The following MRTFA variants were observed in gnomAD, a reference collection of about 807,000 sequenced individuals.
MRTFA encodes myocardin related transcription factor A, also known as myocardin-related transcription factor A.
MRTFA carries 20 observed loss-of-function variants against 83.5 expected under a neutral mutation model. The observed-to-expected ratio is 0.24, with a 90% CI of 0.17 to 0.35. The LOEUF is 0.35. Ranked by LOEUF, MRTFA falls within the 10% of genes least tolerant of loss-of-function variation. The pLI is 1.00. For synonymous variants in MRTFA, 659 were observed against 541.2 expected, an observed-to-expected ratio of 1.22 and a Z score of -3.02; for missense variants, 1,200 against 1,224.7, an observed-to-expected ratio of 0.98 and a Z score of 0.30.
intron 3 of MRTFA, among the ~76,000 whole-genome samples, chr22:40,534,543 C>T (rs956197662): frequency 2.0e-5 from 3 of 152,298 alleles, no homozygotes; most frequent in Middle Eastern, 3.4e-3. Flanking sequence ...CAACCTCGAC[C>T]TTCCAGGCTC....
At chr22:40,457,167 C>T (rs1429853962) in intron 4 of MRTFA, among the ~76,000 whole-genome samples, 1 of 152,070 alleles carries the variant, frequency 6.6e-6, no homozygotes, top group African/African-American at 2.4e-5. Flanking sequence ...GAGTTCAAGA[C>T]CAGCCTGGCC....
In MRTFA at chr22:40,420,697, G is replaced by A. The variant is rs112482514; in HGVS notation, c.1182-121C>T. On this transcript the variant is annotated intron_variant, in intron 10 of 14. Transcript: ENST00000355630. ...GGCATGGGGCAAGGGCCCAGCAAAG[G>A]CTAGGGTGGCCCTGCCTGCAGACCA... 1.7e-4 allele frequency: 267 copies of A among 1,534,384 alleles called. 1 individual carries two copies. In the African/African-American group the frequency reaches 2.6e-3, roughly 15 times the overall value.
chr22:40,463,444 C>CT, intron 3 of MRTFA, 158 bp from the exon 4 acceptor site: 1 of 619,716 alleles, frequency 1.6e-6, no homozygotes. Flanking sequence ...CAGAAGTGGC[C>CT]TGATACAGCA....
At position 40,446,158 on chromosome 22, in the gene MRTFA, A is replaced by C. The variant is rs58476910; in HGVS notation, c.308-10604T>G. Among the ~76,000 whole-genome samples, 122 of 152,330 alleles carry C rather than the reference A, an allele frequency of 8.0e-4. 2 individuals carry two copies. The East Asian group carries it at 0.023, about 29-fold the overall frequency. Reference sequence around the variant, plus strand: ...AGATCTGTCTTTGTAATTAACACATAATCTATGGGGTATCATTTTGATGCC... The same window carrying C: ...AGATCTGTCTTTGTAATTAACACATCATCTATGGGGTATCATTTTGATGCC... On this transcript the variant is annotated intron_variant, in intron 4 of 14. Transcript: ENST00000355630.
chr22:40,524,764 G>T (rs573942910), intron 3 of MRTFA, among the ~76,000 whole-genome samples: 26 of 152,244 alleles, frequency 1.7e-4, no homozygotes, highest in African/African-American at 5.5e-4. Flanking sequence ...CTGTGTATGT[G>T]CATACACACA....
chr22:40,626,866 A>AACAC (rs141945541), intron 1 of MRTFA, among the ~76,000 whole-genome samples: 34,844 of 144,988 alleles, frequency 0.24, 4,793 homozygotes, highest in East Asian at 0.46. Context: ...CCCTGTCTCA[A>AACAC]ACACACACAC....
chr22:40,603,216 A>T (rs1484885904), intron 1 of MRTFA, among the ~76,000 whole-genome samples: 1 of 152,194 alleles, frequency 6.6e-6, no homozygotes, highest in African/African-American at 2.4e-5. Flanking sequence ...CTGACACTTC[A>T]GCTCTTCATT....
At position 40,507,482 on chromosome 22, in the gene MRTFA, A is replaced by C. The variant is rs527313227; in HGVS notation, c.242-44196T>G. Reference sequence around the variant, plus strand: ...ATCCTGTCTCTAAAAAGAATACAAAAAATTAGAAGGGTGCCTGCAGTCCTA... The same window carrying C: ...ATCCTGTCTCTAAAAAGAATACAAACAATTAGAAGGGTGCCTGCAGTCCTA... On this transcript the variant is annotated intron_variant, in intron 3 of 14. Transcript: ENST00000355630. Among the ~76,000 whole-genome samples the C allele has an allele frequency of 3.3e-5, 5 of 152,000 alleles. No homozygotes were observed. In the East Asian group the frequency reaches 9.7e-4, roughly 29 times the overall value.
chr22:40,438,846 G>A (rs142691683), intron 4 of MRTFA, among the ~76,000 whole-genome samples: 4 of 152,100 alleles, frequency 2.6e-5, no homozygotes, highest in Admixed American at 6.5e-5. Context: ...GTCTTGGCAC[G>A]TGTTCCTCAG....
chr22:40,419,667 G>A lies in MRTFA; in HGVS notation c.1354-283C>T, dbSNP rs1430436458. On this transcript the variant is annotated intron_variant, in intron 11 of 14. Transcript: ENST00000355630. ...AGCTGTCCCCAGCCCCCAGCCCCCA[G>A]CATGGTGCATGGGCTCAATAAATAT... Among the ~76,000 whole-genome samples the A allele has an allele frequency of 2.6e-5, 4 of 152,226 alleles. No homozygotes were observed. In the South Asian group the frequency reaches 8.3e-4, roughly 31 times the overall value.
At chr22:40,546,378 C>T (rs940121759) in intron 3 of MRTFA, among the ~76,000 whole-genome samples, 9 of 152,046 alleles carry the variant, frequency 5.9e-5, no homozygotes. Context: ...CAAAGGGAGT[C>T]GCTGGAAAGG....
intron 4 of MRTFA, among the ~76,000 whole-genome samples, chr22:40,445,070 T>C (rs1268039957): frequency 6.6e-6 from 1 of 152,044 alleles, no homozygotes; most frequent in Admixed American, 6.6e-5. Flanking sequence ...CTGTCTCAAA[T>C]AAATAAATAA....
intron 2 of MRTFA, among the ~76,000 whole-genome samples, chr22:40,591,651 CTG>C (rs1235878596): frequency 2.6e-5 from 4 of 152,174 alleles, no homozygotes; most frequent in Non-Finnish European, 4.4e-5. Context: ...TAAAAATAAA[CTG>C]TACACTTCAA....
In MRTFA at chr22:40,416,705, C is replaced by A. The variant is rs2052687106; in HGVS notation, c.2578+281G>T. On this transcript the variant is annotated intron_variant, in intron 14 of 14. Transcript: ENST00000355630. The surrounding 1 kb of genome is among the most constrained non-coding windows in gnomAD (Gnocchi z 4.2). ...CTTATTTCTTATATTTGTTGTCCAC[C>A]TCCCCAGGCTGCACTGTGAGCTCCA... is the stretch of plus-strand genomic sequence containing the variant. 6.6e-6 allele frequency among the ~76,000 whole-genome samples: 1 copy of A among 152,216 alleles called. No individual in the cohort carries two copies. Among genetic ancestry groups the A allele is most frequent in the African/African-American group, 2.4e-5 (1 of 41,456 alleles).
chr22:40,551,363 A>ATTTG (rs907003255), intron 3 of MRTFA, among the ~76,000 whole-genome samples: 2 of 151,908 alleles, frequency 1.3e-5, no homozygotes, highest in Admixed American at 6.6e-5. Context: ...CTTATTTATT[A>ATTTG]TTTGTTTGTT....
At chr22:40,512,196 G>A (rs563417859) in intron 3 of MRTFA, among the ~76,000 whole-genome samples, 1 of 152,280 alleles carries the variant, frequency 6.6e-6, no homozygotes, top group African/African-American at 2.4e-5. Flanking sequence ...AAGAGATTAA[G>A]ATCATACAGT....
intron 1 of MRTFA, among the ~76,000 whole-genome samples, chr22:40,601,285 G>T (rs1164071798): frequency 2.6e-5 from 4 of 152,072 alleles, no homozygotes; most frequent in Non-Finnish European, 5.9e-5. Flanking sequence ...CACATCTATA[G>T]CTCAATGCAA....
intron 2 of MRTFA, among the ~76,000 whole-genome samples, chr22:40,567,748 C>T (rs559779644): frequency 6.6e-6 from 1 of 152,288 alleles, no homozygotes; most frequent in South Asian, 2.1e-4. Context: ...CCTCACCTAG[C>T]ATAAAGACAG....
chr22:40,569,362 C>T (rs533810346), intron 2 of MRTFA: 28 of 213,760 alleles, frequency 1.3e-4, no homozygotes, highest in African/African-American at 6.2e-4. Context: ...CCAACCAGAA[C>T]CAGACCAGGA....
Sources: gnomAD v4.1 joint callset for allele counts (sites outside exome capture counted in the v4.1 genomes callset) on GRCh38, gnomAD v4.1.1 for gene constraint, Gnocchi (gnomAD v3.1) non-coding constraint, MANE v1.5 for transcripts, NCBI Gene and HGNC (gene_info 2026-07-23, HGNC 2026-07-21) for gene names.